The following PPP1R13B variants were observed in gnomAD, a reference collection of about 807,000 sequenced individuals.
The protein encoded by PPP1R13B is apoptosis-stimulating of p53 protein 1.
A neutral mutation model predicts 119.8 loss-of-function variants in PPP1R13B; 44 were observed. The observed-to-expected ratio is 0.37, with a 90% CI of 0.29 to 0.47. The LOEUF is 0.47. Ranked by LOEUF, PPP1R13B falls within the 20% of genes least tolerant of loss-of-function variation. The pLI, the probability that PPP1R13B is intolerant of heterozygous loss-of-function variation, is 0.99. For synonymous variants in PPP1R13B, 542 were observed against 561.5 expected (o/e 0.97, Z 0.49); for missense variants, 1,227 against 1,413.5 (o/e 0.87, Z 2.12).
rs994383177 is a variant in PPP1R13B, at chr14:103,738,656, C to T, written c.2864+23G>A. 1 of 1,613,416 alleles carries T rather than the reference C, an allele frequency of 6.2e-7. No homozygotes were observed. ...AAAGCAGGGAAAGTAAATCTGTCCA[C>T]CCCACACTCCTACGGGCCTCACCAT... On this transcript the variant is annotated intron_variant, in intron 14 of 16. Transcript: ENST00000202556. The surrounding 1 kb of genome is among the most constrained non-coding windows in gnomAD (Gnocchi z 5.6).
At chr14:103,769,871 A>G (rs1471657820) in intron 4 of PPP1R13B, among the ~76,000 whole-genome samples, 2 of 152,178 alleles carry the variant, frequency 1.3e-5, no homozygotes, top group African/African-American at 4.8e-5. Context: ...GCAAAAATAT[A>G]AAATGTTCAA....
intron 1 of PPP1R13B, among the ~76,000 whole-genome samples, chr14:103,841,434 A>C (rs2086906259): frequency 7.0e-6 from 1 of 142,878 alleles, no homozygotes; most frequent in Non-Finnish European, 1.5e-5. Flanking sequence ...CTAAAAATAC[A>C]AAAAAATTAG....
intron 1 of PPP1R13B, among the ~76,000 whole-genome samples, chr14:103,841,075 C>T (rs927423726): frequency 2.6e-5 from 4 of 152,072 alleles, no homozygotes; most frequent in African/African-American, 4.8e-5. Flanking sequence ...CACCTGAGGT[C>T]GGGAGTTCAA....
At chr14:103,804,274 C>T (rs2085968286) in intron 1 of PPP1R13B, among the ~76,000 whole-genome samples, 1 of 152,116 alleles carries the variant, frequency 6.6e-6, no homozygotes, top group African/African-American at 2.4e-5. Context: ...TCAGGAACAT[C>T]TGAACTAAGA....
intron 4 of PPP1R13B, among the ~76,000 whole-genome samples, chr14:103,762,035 T>C (rs1469840474): frequency 6.6e-6 from 1 of 152,200 alleles, no homozygotes; most frequent in Non-Finnish European, 1.5e-5. Context: ...ATGTGCTGGC[T>C]CTACCTGCTC....
At chr14:103,815,702 C>A (rs2086261830) in intron 1 of PPP1R13B, among the ~76,000 whole-genome samples, 1 of 151,876 alleles carries the variant, frequency 6.6e-6, no homozygotes, top group South Asian at 2.1e-4. Flanking sequence ...TTGCACTGAG[C>A]CAAGATCGCA....
intron 4 of PPP1R13B, among the ~76,000 whole-genome samples, chr14:103,774,071 G>A (rs561489320): frequency 1.3e-5 from 2 of 152,134 alleles, no homozygotes; most frequent in Non-Finnish European, 2.9e-5. Context: ...AAATGGTGCT[G>A]GGATAACTGG....
intron 1 of PPP1R13B, among the ~76,000 whole-genome samples, chr14:103,846,205 C>T (rs55798317): frequency 0.079 from 11,977 of 152,206 alleles, 686 homozygotes; most frequent in Non-Finnish European, 0.13. Flanking sequence ...TAGATCAAAC[C>T]TTAAGACTTG....
intron 4 of PPP1R13B, among the ~76,000 whole-genome samples, chr14:103,766,595 T>A (rs1286384556): frequency 6.6e-6 from 1 of 152,188 alleles, no homozygotes; most frequent in Non-Finnish European, 1.5e-5. Context: ...ATCTAAATCA[T>A]ATGAAAATAC....
chr14:103,758,215 A>G (rs1197020654), intron 4 of PPP1R13B, among the ~76,000 whole-genome samples: 1 of 152,228 alleles, frequency 6.6e-6, no homozygotes, highest in Non-Finnish European at 1.5e-5. Context: ...TAAAAACACC[A>G]TATGCATGAC....
At chr14:103,815,733 C>T (rs1430543225) in intron 1 of PPP1R13B, among the ~76,000 whole-genome samples, 1 of 151,532 alleles carries the variant, frequency 6.6e-6, no homozygotes, top group African/African-American at 2.4e-5. Flanking sequence ...CCAGCCTGGG[C>T]AACAAGAGTG....
intron 1 of PPP1R13B, among the ~76,000 whole-genome samples, chr14:103,831,607 G>A (rs1294805996): frequency 6.6e-5 from 10 of 150,778 alleles, no homozygotes; most frequent in Non-Finnish European, 1.2e-4. Flanking sequence ...CACCATGCTC[G>A]GCCTCTTTTG....
chr14:103,737,537 T>C (rs1333481373), intron 15 of PPP1R13B, 157 bp downstream of exon 15: 5 of 962,304 alleles, frequency 5.2e-6, no homozygotes, highest in Non-Finnish European at 4.4e-6. Context: ...GATTGCGACA[T>C]TGCACTCCAG....
chr14:103,734,878 C>T lies in PPP1R13B; in HGVS notation c.*276G>A, dbSNP rs2084053674. On this transcript the variant is annotated 3_prime_UTR_variant, in exon 17 of 17. Coordinates refer to ENST00000202556, the MANE Select transcript of PPP1R13B (RefSeq NM_015316.3). Reference sequence around the variant, plus strand: ...CGGGGGTTATGGGACTTCTTAATGGCAAGAGGGGTGGGTGTTTTGAAAGTG... The same window carrying T: ...CGGGGGTTATGGGACTTCTTAATGGTAAGAGGGGTGGGTGTTTTGAAAGTG... 7.2e-6 allele frequency: 4 copies of T among 552,052 alleles called. No homozygotes were observed. Among genetic ancestry groups the T allele is most frequent in the South Asian group, 6.7e-5 (4 of 60,146 alleles). The allele number at this position is 552,052 out of a possible 1,614,324, so 34.2% of individuals were successfully genotyped here. A position where few individuals can be genotyped will look rare whatever the true frequency, so the allele number is the denominator to read the frequency against.
chr14:103,781,940 C>T (rs1382310187), intron 3 of PPP1R13B, among the ~76,000 whole-genome samples: 1 of 152,198 alleles, frequency 6.6e-6, no homozygotes, highest in African/African-American at 2.4e-5. Flanking sequence ...GCATGAGCCA[C>T]CGCGCCCGGC....
chr14:103,758,229 C>A (rs2084722837), intron 4 of PPP1R13B, among the ~76,000 whole-genome samples: 1 of 152,200 alleles, frequency 6.6e-6, no homozygotes, highest in African/African-American at 2.4e-5. Context: ...GCATGACTTA[C>A]ATGAAGAACA....
chr14:103,820,581 T>C lies in PPP1R13B; in HGVS notation c.10-23063A>G, dbSNP rs2086384330. On this transcript the variant is annotated intron_variant, in intron 1 of 16. Coordinates refer to ENST00000202556, the MANE Select transcript of PPP1R13B (RefSeq NM_015316.3). Reference sequence around the variant, plus strand: ...ATGGTTCACTGCACCCTCAACTTCCTAGGCTCAAACTATCCTCCCACCTCA... The same window carrying C: ...ATGGTTCACTGCACCCTCAACTTCCCAGGCTCAAACTATCCTCCCACCTCA... Among the ~76,000 whole-genome samples the C allele has an allele frequency of 2.0e-5, 3 of 151,072 alleles. No homozygotes were observed. The Admixed American group carries it at 2.0e-4, about 10-fold the overall frequency.
chr14:103,755,955 T>C (rs1316962361), intron 5 of PPP1R13B, among the ~76,000 whole-genome samples: 1 of 152,220 alleles, frequency 6.6e-6, no homozygotes, highest in Non-Finnish European at 1.5e-5. Flanking sequence ...CAATGAAGTA[T>C]ATACAGTCAT....
At chr14:103,787,201 C>A (rs570533731) in intron 2 of PPP1R13B, among the ~76,000 whole-genome samples, 1 of 151,878 alleles carries the variant, frequency 6.6e-6, no homozygotes, top group Non-Finnish European at 1.5e-5. Context: ...GTAATCCCAA[C>A]ACTTTGGGAG....
Sources: allele counts gnomAD v4.1 joint callset (sites outside exome capture counted in the v4.1 genomes callset), GRCh38; gene constraint gnomAD v4.1.1; non-coding constraint Gnocchi (gnomAD v3.1); transcripts MANE v1.5; gene names NCBI Gene and HGNC (gene_info 2026-07-23, HGNC 2026-07-21).